Variants in CCPG1 observed in about 807,000 individuals in gnomAD.
The protein encoded by CCPG1 is cell cycle progression 1.
In CCPG1, 46 loss-of-function variants were observed where a neutral mutation model predicts 81.3. That is an observed-to-expected ratio of 0.57 (90% CI 0.45 to 0.72). The LOEUF (loss-of-function observed/expected upper bound fraction) is 0.72, where lower values mean the gene tolerates loss of function less well. CCPG1 is among the 30% of genes least tolerant of loss of function. CCPG1 has a pLI of 0.00. For synonymous variants in CCPG1, 330 were observed against 305.2 expected, an observed-to-expected ratio of 1.08 and a Z score of -0.85; for missense variants, 902 against 937.6, an observed-to-expected ratio of 0.96 and a Z score of 0.50.
At chr15:55,383,499 C>G (rs890853476) in intron 3 of CCPG1, among the ~76,000 whole-genome samples, 1 of 152,154 alleles carries the variant, frequency 6.6e-6, no homozygotes, top group African/African-American at 2.4e-5. Flanking sequence ...TCTTTGAAGC[C>G]TAGAAGCAGA....
At chr15:55,400,806 C>T (rs925272303) in intron 1 of CCPG1, among the ~76,000 whole-genome samples, 4 of 152,148 alleles carry the variant, frequency 2.6e-5, no homozygotes, top group African/African-American at 9.7e-5. Flanking sequence ...TCCTCATCTC[C>T]TTTTCTGTGA....
chr15:55,406,639 C>G (rs1431048272), intron 1 of CCPG1, among the ~76,000 whole-genome samples: 1 of 150,254 alleles, frequency 6.7e-6, no homozygotes, highest in African/African-American at 2.4e-5. Context: ...TTCACCGTGT[C>G]GGCCAGGCTG....
intron 1 of CCPG1, among the ~76,000 whole-genome samples, chr15:55,396,154 CAAAAAAAA>C (rs57419686): frequency 6.5e-5 from 8 of 123,092 alleles, no homozygotes; most frequent in Admixed American, 5.0e-4. Flanking sequence ...ACTCCACCTC[CAAAAAAAA>C]AAAAAAAAAA....
intron 1 of CCPG1, among the ~76,000 whole-genome samples, chr15:55,401,085 A>T (rs953470857): frequency 6.6e-6 from 1 of 152,052 alleles, no homozygotes; most frequent in Admixed American, 6.5e-5. Context: ...ATACTTCCAC[A>T]GTTTTTGGCT....
rs1595862231 is a variant in CCPG1 at position 55,394,774 on chromosome 15, A to T, written c.-9-5341T>A. On this transcript the variant is annotated intron_variant, in intron 1 of 8. Coordinates refer to ENST00000442196, the MANE Select transcript of CCPG1 (RefSeq NM_001204450.2). ...TGTTATCTAAGCTCCTTTCTTAGGAAACAAACCATCAGGCCTCCTAGATAG... is the reference window on the plus strand; with the variant it reads ...TGTTATCTAAGCTCCTTTCTTAGGATACAAACCATCAGGCCTCCTAGATAG... 2.0e-5 allele frequency among the ~76,000 whole-genome samples: 3 copies of T among 151,684 alleles called. No homozygotes were observed. In the South Asian group the frequency reaches 6.3e-4, roughly 32 times the overall value.
chr15:55,356,102 T>G lies in CCPG1; in HGVS notation c.*118A>C, dbSNP rs2056072939. ...GAATAATATAAAGTTATCAAACTGA[T>G]ACTTAGAAACAAAAGAAAAGACATT... is the stretch of plus-strand genomic sequence containing the variant. On this transcript the variant is annotated 3_prime_UTR_variant, in exon 9 of 9. Coordinates refer to ENST00000442196, the MANE Select transcript of CCPG1 (RefSeq NM_001204450.2). The G allele has an allele frequency of 8.3e-5, 63 of 763,216 alleles. No individual in the cohort carries two copies. In the South Asian group the frequency reaches 1.0e-3, roughly 13 times the overall value. The allele number at this position is 763,216 out of a possible 1,614,324, so 47.3% of individuals were successfully genotyped here.
intron 1 of CCPG1, among the ~76,000 whole-genome samples, chr15:55,396,212 C>T (rs908834728): frequency 6.6e-5 from 10 of 151,610 alleles, no homozygotes; most frequent in African/African-American, 2.4e-4. Flanking sequence ...CTTCCTCTCC[C>T]ATTAATCTGA....
intron 6 of CCPG1, among the ~76,000 whole-genome samples, chr15:55,368,970 G>T (rs1422231243): frequency 1.3e-5 from 2 of 151,982 alleles, no homozygotes; most frequent in East Asian, 3.9e-4. Flanking sequence ...AAAGTAGCCA[G>T]GCGTGCTGGC....
chr15:55,361,435 C>T (rs1007432395), intron 7 of CCPG1, among the ~76,000 whole-genome samples: 19 of 151,638 alleles, frequency 1.3e-4, no homozygotes, highest in African/African-American at 4.3e-4. Context: ...TAGCTGGGCG[C>T]GGTGGCTCAT....
intron 1 of CCPG1, among the ~76,000 whole-genome samples, chr15:55,400,182 C>G (rs1051745580): frequency 7.5e-6 from 1 of 132,590 alleles, no homozygotes; most frequent in Non-Finnish European, 1.5e-5. Flanking sequence ...TGCACTCCAG[C>G]CTGGACAAGA....
chr15:55,362,750 C>G (rs1019160156), intron 7 of CCPG1, among the ~76,000 whole-genome samples: 8 of 152,202 alleles, frequency 5.3e-5, no homozygotes, highest in Non-Finnish European at 1.2e-4. Context: ...TCTGTAAAAA[C>G]TGACTCTCTA....
At chr15:55,394,709 T>C (rs947743026) in intron 1 of CCPG1, among the ~76,000 whole-genome samples, 3 of 151,986 alleles carry the variant, frequency 2.0e-5, no homozygotes, top group African/African-American at 7.3e-5. Flanking sequence ...AATACAGAAA[T>C]TGATCCTCAC....
intron 7 of CCPG1, among the ~76,000 whole-genome samples, chr15:55,363,508 T>TA (rs1343090637): frequency 6.6e-6 from 1 of 150,490 alleles, no homozygotes; most frequent in African/African-American, 2.4e-5. Flanking sequence ...CTAATACAGG[T>TA]AGGAAAAACT....
At chr15:55,365,725 A>G (rs1335082592) in intron 6 of CCPG1, among the ~76,000 whole-genome samples, 1 of 151,914 alleles carries the variant, frequency 6.6e-6, no homozygotes, top group African/African-American at 2.4e-5. Context: ...AACCTATGTA[A>G]TCTTGACAAT....
At chr15:55,375,097 C>G (rs2056536203) in intron 5 of CCPG1, among the ~76,000 whole-genome samples, 1 of 152,138 alleles carries the variant, frequency 6.6e-6, no homozygotes, top group Non-Finnish European at 1.5e-5. Context: ...TACAGTTAAT[C>G]AAATATTCCT....
intron 1 of CCPG1, among the ~76,000 whole-genome samples, chr15:55,405,814 A>G (rs1457662839): frequency 1.3e-5 from 2 of 152,216 alleles, no homozygotes; most frequent in African/African-American, 4.8e-5. Flanking sequence ...ACTTAAATTC[A>G]TATAGTCTAC....
chr15:55,387,258 G>A (rs1681752955), intron 2 of CCPG1, among the ~76,000 whole-genome samples: 1 of 152,228 alleles, frequency 6.6e-6, no homozygotes, highest in Non-Finnish European at 1.5e-5. Flanking sequence ...ACTCCACCCT[G>A]CAGACTAACA....
intron 1 of CCPG1, among the ~76,000 whole-genome samples, chr15:55,402,331 G>A (rs1251199444): frequency 6.6e-6 from 1 of 152,002 alleles, no homozygotes; most frequent in Non-Finnish European, 1.5e-5. Flanking sequence ...TGGCTCAAGC[G>A]ATCCTCCCAC....
At chr15:55,369,798 T>C (rs1443972133) in intron 6 of CCPG1, among the ~76,000 whole-genome samples, 1 of 152,314 alleles carries the variant, frequency 6.6e-6, no homozygotes, top group East Asian at 1.9e-4. Context: ...TGTAAAATTA[T>C]TTTTCTACAA....
Sources: gnomAD v4.1 joint callset for allele counts (sites outside exome capture counted in the v4.1 genomes callset) on GRCh38, gnomAD v4.1.1 for gene constraint, MANE v1.5 for transcripts, NCBI Gene and HGNC (gene_info 2026-07-23, HGNC 2026-07-21) for gene names.